GPM6A: variants seen among roughly 807,000 people sequenced by gnomAD.
The protein encoded by GPM6A is glycoprotein M6A.
A neutral mutation model predicts 32.1 loss-of-function variants in GPM6A; 7 were observed. The ratio of observed to expected loss-of-function variants is 0.22; its 90% CI spans 0.12 to 0.41. The LOEUF (loss-of-function observed/expected upper bound fraction) is 0.41. Among genes scored for constraint, GPM6A ranks in the 10% least tolerant of loss-of-function variants. The probability of loss-of-function intolerance (pLI) is 1.00; values close to 1 mark genes in which losing one functional copy is unlikely to be tolerated. For missense variants in GPM6A, 235 were observed against 347.2 expected, an observed-to-expected ratio of 0.68 and a Z score of 2.57; for synonymous variants, 130 against 123.4, an observed-to-expected ratio of 1.05 and a Z score of -0.35.
intron 4 of GPM6A, among the ~76,000 whole-genome samples, chr4:175,646,297 G>T (rs1741460059): frequency 6.6e-6 from 1 of 152,190 alleles, no homozygotes; most frequent in Non-Finnish European, 1.5e-5. Context: ...TCAGTAATTA[G>T]CAATGACACA....
chr4:175,709,189 A>AT (rs944309785), intron 1 of GPM6A, among the ~76,000 whole-genome samples: 3 of 151,888 alleles, frequency 2.0e-5, no homozygotes, highest in African/African-American at 7.3e-5. Context: ...TTCTCCAGTG[A>AT]TTTTAATTCT....
chr4:175,667,540 CAGAA>C (rs1010765700), intron 3 of GPM6A, among the ~76,000 whole-genome samples: 4 of 152,004 alleles, frequency 2.6e-5, no homozygotes, highest in Non-Finnish European at 5.9e-5. Flanking sequence ...CTAAGGAAAT[CAGAA>C]AGAAGCATGG....
At chr4:175,852,521 A>C (rs1018451038) in intron 1 of GPM6A, among the ~76,000 whole-genome samples, 1 of 152,184 alleles carries the variant, frequency 6.6e-6, no homozygotes. Flanking sequence ...GAAAAAGTGA[A>C]CTAGCCCTTT....
intron 1 of GPM6A, among the ~76,000 whole-genome samples, chr4:175,870,850 A>T (rs945302239): frequency 2.0e-5 from 3 of 152,146 alleles, no homozygotes; most frequent in African/African-American, 7.2e-5. Context: ...TCCTCTCTAT[A>T]AAACAGGGAT....
chr4:175,820,513 T>G (rs1735244311), intron 1 of GPM6A, among the ~76,000 whole-genome samples: 1 of 146,382 alleles, frequency 6.8e-6, no homozygotes, highest in African/African-American at 2.5e-5. Flanking sequence ...TTTTTTTTTT[T>G]TTTTTGAGAT....
chr4:175,964,389 A>G (rs1740270490), intron 1 of GPM6A, among the ~76,000 whole-genome samples: 1 of 152,172 alleles, frequency 6.6e-6, no homozygotes, highest in Non-Finnish European at 1.5e-5. Context: ...CCATTACTAT[A>G]CTATATTAGT....
chr4:175,911,196 G>A (rs937892882), intron 1 of GPM6A, among the ~76,000 whole-genome samples: 9 of 152,092 alleles, frequency 5.9e-5, no homozygotes, highest in African/African-American at 9.7e-5. Flanking sequence ...TTCAGCTGAC[G>A]TTAGGATCCT....
intron 1 of GPM6A, among the ~76,000 whole-genome samples, chr4:175,913,035 A>G (rs761280940): frequency 8.5e-5 from 13 of 152,222 alleles, no homozygotes; most frequent in Non-Finnish European, 1.5e-4. Flanking sequence ...TAATGGAAAC[A>G]AACTCCTAGC....
At chr4:175,727,513 T>G (rs1731230097) in intron 1 of GPM6A, among the ~76,000 whole-genome samples, 1 of 152,198 alleles carries the variant, frequency 6.6e-6, no homozygotes, top group African/African-American at 2.4e-5. Context: ...CAATTTCTGG[T>G]CTTTTTAATT....
chr4:175,759,084 AT>A (rs1191422294), intron 1 of GPM6A, among the ~76,000 whole-genome samples: 1 of 152,208 alleles, frequency 6.6e-6, no homozygotes, highest in Non-Finnish European at 1.5e-5. Context: ...TTCAAAAACT[AT>A]TAAGTGTCCA....
intron 1 of GPM6A, among the ~76,000 whole-genome samples, chr4:175,914,046 C>A (rs1010907850): frequency 1.3e-5 from 2 of 151,826 alleles, no homozygotes; most frequent in Non-Finnish European, 2.9e-5. Flanking sequence ...CACAGAGACA[C>A]AAGTCACCAT....
chr4:175,775,273 G>A (rs572102639), intron 1 of GPM6A, among the ~76,000 whole-genome samples: 1 of 152,164 alleles, frequency 6.6e-6, no homozygotes, highest in Non-Finnish European at 1.5e-5. Context: ...TCTAGACTCA[G>A]TCCGGTATAA....
intron 1 of GPM6A, among the ~76,000 whole-genome samples, chr4:175,705,075 T>TGCACTAGCA (rs1318852392): frequency 6.6e-6 from 1 of 152,194 alleles, no homozygotes; most frequent in Non-Finnish European, 1.5e-5. Context: ...CACACTATGC[T>TGCACTAGCA]CTACAGCTGC....
At chr4:175,639,594 G>C (rs890728401) in intron 6 of GPM6A, among the ~76,000 whole-genome samples, 9 of 152,128 alleles carry the variant, frequency 5.9e-5, no homozygotes, top group Admixed American at 2.0e-4. Flanking sequence ...ACTGGCTCTG[G>C]CACGTGGTAG....
chr4:175,952,936 C>T (rs1389438090), intron 1 of GPM6A, among the ~76,000 whole-genome samples: 2 of 150,982 alleles, frequency 1.3e-5, no homozygotes, highest in Admixed American at 1.3e-4. Context: ...GTCCTGACTA[C>T]TTGGGATTGC....
At chr4:175,644,932 C>G (rs7671844) in intron 4 of GPM6A, among the ~76,000 whole-genome samples, 107,364 of 151,506 alleles carry the variant, frequency 0.71, 40,773 homozygotes, top group Non-Finnish European at 0.85. Context: ...CATGGTGAAA[C>G]CCCGTCTCTA....
intron 1 of GPM6A, chr4:175,891,490 T>C (rs1737646604): frequency 6.6e-6 from 1 of 152,238 alleles, no homozygotes; most frequent in South Asian, 2.1e-4. Context: ...CTGTAATAAA[T>C]CCTTTCTAAC....
intron 1 of GPM6A, among the ~76,000 whole-genome samples, chr4:175,743,959 CAA>C (rs71593723): frequency 8.6e-5 from 10 of 116,034 alleles, no homozygotes; most frequent in Non-Finnish European, 1.7e-4. Context: ...TCTAATAGGA[CAA>C]AAAAAAAAAA....
chr4:175,979,005 C>T (rs1452914652), intron 1 of GPM6A, among the ~76,000 whole-genome samples: 4 of 151,756 alleles, frequency 2.6e-5, no homozygotes, highest in Admixed American at 1.3e-4. Context: ...GGAAACCTTG[C>T]TTTAAAATTC....
Sources: gnomAD v4.1 joint callset for allele counts (sites outside exome capture counted in the v4.1 genomes callset) on GRCh38, gnomAD v4.1.1 for gene constraint, MANE v1.5 for transcripts, NCBI Gene and HGNC (gene_info 2026-07-23, HGNC 2026-07-21) for gene names.